ANKFN1: variants seen among roughly 807,000 people sequenced by gnomAD.
The protein encoded by ANKFN1 is ankyrin repeat and fibronectin type III domain containing 1.
Under a neutral mutation model 108.7 loss-of-function variants are expected in ANKFN1, and 74 were observed. The ratio of observed to expected loss-of-function variants is 0.68; its 90% CI spans 0.56 to 0.83. The LOEUF is 0.83. Among genes scored for constraint, ANKFN1 ranks in the 40% least tolerant of loss-of-function variants. The pLI, the probability that ANKFN1 is intolerant of heterozygous loss-of-function variation, is 0.00. For missense variants in ANKFN1, 1,505 were observed against 1,382.3 expected (o/e 1.09, Z -1.41); for synonymous variants, 547 against 516.2 (o/e 1.06, Z -0.81).
At chr17:56,226,829 T>C (rs764531497) in intron 2 of ANKFN1, among the ~76,000 whole-genome samples, 1 of 152,162 alleles carries the variant, frequency 6.6e-6, no homozygotes, top group Non-Finnish European at 1.5e-5. Flanking sequence ...ACGCTGACAT[T>C]AGGAGGACTT....
chr17:56,095,798 A>G (rs1427989474), intron 4 of ANKFN1, among the ~76,000 whole-genome samples: 4 of 152,204 alleles, frequency 2.6e-5, no homozygotes, highest in African/African-American at 9.7e-5. Context: ...CCACGATGGA[A>G]GCAGAAATCC....
At chr17:56,188,642 C>A (rs1274796687) in intron 1 of ANKFN1, among the ~76,000 whole-genome samples, 2 of 120,742 alleles carry the variant, frequency 1.7e-5, no homozygotes, top group South Asian at 2.9e-4. Flanking sequence ...GTCTCTGCTC[C>A]CAGTTATTTA....
rs202166015 is a variant in ANKFN1, at chr17:56,220,558, G to C, written c.13-7359G>C. ...GTCTGTAGTCCCAGCTACTTGGGAG[G>C]CCAAGGTGGGAGAATCACCTAGACC... is the stretch of plus-strand genomic sequence containing the variant. On this transcript the variant is annotated intron_variant, in intron 2 of 20. Transcript: ENST00000682825. Among the ~76,000 whole-genome samples the C allele has an allele frequency of 9.2e-5, 14 of 152,132 alleles. No individual in the cohort carries two copies. The East Asian group carries it at 2.5e-3, about 28-fold the overall frequency.
intron 6 of ANKFN1, among the ~76,000 whole-genome samples, chr17:56,357,236 C>T (rs2046399450): frequency 6.6e-6 from 1 of 152,182 alleles, no homozygotes; most frequent in African/African-American, 2.4e-5. Context: ...AATGGCAATG[C>T]AATATTGGTT....
intron 19 of ANKFN1, among the ~76,000 whole-genome samples, chr17:56,497,064 C>T (rs1287154656): frequency 6.6e-6 from 1 of 152,086 alleles, no homozygotes; most frequent in East Asian, 1.9e-4. Flanking sequence ...AATCCCTGTC[C>T]TTGTCGGGCA....
At chr17:56,489,623 C>T (rs1042051733) in intron 18 of ANKFN1, among the ~76,000 whole-genome samples, 1 of 152,018 alleles carries the variant, frequency 6.6e-6, no homozygotes, top group Non-Finnish European at 1.5e-5. Flanking sequence ...AACACCCCGG[C>T]TTGTAAGAAT....
At chr17:56,151,572 G>C (rs534914048), upstream of ANKFN1, among the ~76,000 whole-genome samples, 4 of 152,280 alleles carry the variant, frequency 2.6e-5, no homozygotes, top group South Asian at 8.3e-4. Flanking sequence ...CTTTAGAGTA[G>C]ATGGGCTGAC....
intron 3 of ANKFN1, among the ~76,000 whole-genome samples, chr17:56,285,323 T>A: frequency 6.6e-6 from 1 of 152,160 alleles, no homozygotes; most frequent in East Asian, 1.9e-4. Context: ...CCCATCCTTA[T>A]GTATTTAAGA....
chr17:56,314,541 G>T (rs1374798513), intron 3 of ANKFN1, among the ~76,000 whole-genome samples: 1 of 152,114 alleles, frequency 6.6e-6, no homozygotes, highest in Non-Finnish European at 1.5e-5. Context: ...TTGACCATTT[G>T]TATATCTTCT....
chr17:56,454,821 A>C (rs2049630646), intron 11 of ANKFN1, among the ~76,000 whole-genome samples: 2 of 152,202 alleles, frequency 1.3e-5, no homozygotes, highest in Non-Finnish European at 2.9e-5. Context: ...CACCATCATC[A>C]GCACCCCATT....
At position 56,055,467 on chromosome 17, in the gene ANKFN1, A is replaced by T. The variant is rs188250017; in HGVS notation, c.288+9142A>T. On this transcript the variant is annotated intron_variant, in intron 4 of 12. Coordinates refer to the ANKFN1 transcript ENST00000635860. ...TGTGTGTGTGTGTGTGTATTATTCCATTATGTCTGTGTGTATATATATATG... is the reference window on the plus strand; with the variant it reads ...TGTGTGTGTGTGTGTGTATTATTCCTTTATGTCTGTGTGTATATATATATG... Among the ~76,000 whole-genome samples the T allele has an allele frequency of 5.1e-3, 720 of 141,270 alleles. 1 individual carries two copies. The highest frequency in any genetic ancestry group is 7.8e-3 in the Non-Finnish European group (509 of 65,074). The allele number at this position is 141,270 out of a possible 152,430, so 92.7% of individuals were successfully genotyped here. A position where few individuals can be genotyped will look rare whatever the true frequency, so the allele number is the denominator to read the frequency against.
chr17:56,488,883 T>C (rs1430499059), intron 18 of ANKFN1, among the ~76,000 whole-genome samples: 1 of 152,244 alleles, frequency 6.6e-6, no homozygotes, highest in Non-Finnish European at 1.5e-5. Flanking sequence ...TGCCTCATTC[T>C]TTCAGGGTAG....
intron 8 of ANKFN1, among the ~76,000 whole-genome samples, chr17:56,394,344 G>C (rs1376901754): frequency 6.6e-6 from 1 of 152,164 alleles, no homozygotes; most frequent in Non-Finnish European, 1.5e-5. Context: ...CACCAACTTA[G>C]TAGAGCAGCT....
chr17:56,059,704 T>C (rs1311141153), intron 4 of ANKFN1, among the ~76,000 whole-genome samples: 1 of 152,196 alleles, frequency 6.6e-6, no homozygotes, highest in Non-Finnish European at 1.5e-5. Flanking sequence ...CTTTCCCTAT[T>C]GCTTGTTTTT....
At chr17:56,264,427 C>T (rs570459625) in intron 3 of ANKFN1, among the ~76,000 whole-genome samples, 112 of 152,262 alleles carry the variant, frequency 7.4e-4, no homozygotes, top group Admixed American at 3.5e-3. Context: ...ACAGGATTCT[C>T]GCTATTTTTC....
At chr17:56,130,737 C>G (rs1037842907) in intron 4 of ANKFN1, among the ~76,000 whole-genome samples, 3 of 152,006 alleles carry the variant, frequency 2.0e-5, no homozygotes, top group African/African-American at 7.3e-5. Flanking sequence ...ACTGAAGAGC[C>G]CTTTTTGCTC....
chr17:56,367,482 G>A (rs2046692471), intron 6 of ANKFN1, among the ~76,000 whole-genome samples: 1 of 151,708 alleles, frequency 6.6e-6, no homozygotes, highest in South Asian at 2.1e-4. Context: ...AGCTGCATAG[G>A]TCTTATAACA....
chr17:56,120,663 T>A (rs1367970125), intron 4 of ANKFN1, among the ~76,000 whole-genome samples: 5 of 152,152 alleles, frequency 3.3e-5, no homozygotes, highest in African/African-American at 1.2e-4. Flanking sequence ...TTTACCTTGA[T>A]AGAGAACTTC....
At chr17:56,445,745 G>A (rs1047314847) in intron 10 of ANKFN1, among the ~76,000 whole-genome samples, 2 of 152,048 alleles carry the variant, frequency 1.3e-5, no homozygotes, top group South Asian at 4.2e-4. Flanking sequence ...TTTACAAAAG[G>A]CCTTAATGTG....
Sources: gnomAD v4.1 joint callset for allele counts (sites outside exome capture counted in the v4.1 genomes callset) on GRCh38, gnomAD v4.1.1 for gene constraint, MANE v1.5 for transcripts, NCBI Gene and HGNC (gene_info 2026-07-23, HGNC 2026-07-21) for gene names.